Variants in PDHX observed in about 807,000 individuals in gnomAD.
PDHX encodes the protein pyruvate dehydrogenase protein X component, mitochondrial.
In PDHX, 33 loss-of-function variants were observed where a neutral mutation model predicts 55.3. That is an observed-to-expected ratio of 0.60 (90% CI 0.45 to 0.80). The LOEUF (loss-of-function observed/expected upper bound fraction) is 0.80. Among genes scored for constraint, PDHX ranks in the 30% least tolerant of loss-of-function variants. The pLI is 0.00. For synonymous variants in PDHX, 226 were observed against 219.4 expected (o/e 1.03, Z -0.27); for missense variants, 622 against 619.9 (o/e 1.00, Z -0.04).
intron 2 of PDHX, among the ~76,000 whole-genome samples, chr11:34,946,651 A>G (rs1183393585): frequency 1.3e-5 from 2 of 152,332 alleles, no homozygotes; most frequent in Non-Finnish European, 1.5e-5. Flanking sequence ...GTACTGAGGC[A>G]GTATTCTGGT....
rs530822570 is a variant in PDHX, at chr11:34,937,721, A to G, written c.241+6237A>G. On this transcript the variant is annotated intron_variant, in intron 2 of 10. Coordinates refer to ENST00000227868, the MANE Select transcript of PDHX (RefSeq NM_003477.3). ...ATGGAATAAGAATGCCTACTCCCCTAAAGAGTCCTCCTGAGGGTCAAATTT... is the reference window on the plus strand; with the variant it reads ...ATGGAATAAGAATGCCTACTCCCCTGAAGAGTCCTCCTGAGGGTCAAATTT... 3.9e-5 allele frequency among the ~76,000 whole-genome samples: 6 copies of G among 152,272 alleles called. No individual in the cohort carries two copies. The East Asian group carries it at 7.7e-4, about 20-fold the overall frequency.
chr11:34,930,219 G>A (rs968138446), intron 1 of PDHX, among the ~76,000 whole-genome samples: 1 of 152,204 alleles, frequency 6.6e-6, no homozygotes, highest in Non-Finnish European at 1.5e-5. Flanking sequence ...AGTGAGGCAG[G>A]TATGCATGCT....
intron 2 of PDHX, among the ~76,000 whole-genome samples, chr11:34,943,861 C>T (rs7104984): frequency 0.13 from 19,730 of 151,896 alleles, 1,745 homozygotes; most frequent in African/African-American, 0.26. Context: ...TCTCACCTTA[C>T]AAAAACTGAA....
chr11:34,964,404 G>A (rs1308661449), intron 5 of PDHX, among the ~76,000 whole-genome samples: 1 of 152,120 alleles, frequency 6.6e-6, no homozygotes, highest in Non-Finnish European at 1.5e-5. Flanking sequence ...AGGAGTTTGA[G>A]ACCAGTCTGG....
intron 10 of PDHX, among the ~76,000 whole-genome samples, chr11:34,994,203 G>A (rs1044517270): frequency 6.6e-6 from 1 of 152,124 alleles, no homozygotes; most frequent in African/African-American, 2.4e-5. Flanking sequence ...ACACACCTTA[G>A]CTGTATGATA....
intron 7 of PDHX, among the ~76,000 whole-genome samples, chr11:34,977,375 C>G (rs1198499419): frequency 2.6e-5 from 4 of 152,088 alleles, no homozygotes. Context: ...TTATGATCAG[C>G]TCGTAGGAAG....
At chr11:34,970,339 TG>T (rs1191314962) in intron 7 of PDHX, 53 bp downstream of exon 7, 8 of 1,372,678 alleles carry the variant, frequency 5.8e-6, no homozygotes, top group Non-Finnish European at 8.3e-6. Context: ...TTAACTTTCA[TG>T]AAATCCTTTA....
upstream of PDHX, chr11:34,916,559 C>A: frequency 6.5e-7 from 1 of 1,533,848 alleles, no homozygotes; most frequent in Non-Finnish European, 8.7e-7. Context: ...CTAAAGGCAC[C>A]GCTAGCGTCT....
intron 8 of PDHX, among the ~76,000 whole-genome samples, chr11:34,981,885 T>C (rs1309073593): frequency 6.6e-6 from 1 of 152,224 alleles, no homozygotes; most frequent in Non-Finnish European, 1.5e-5. Flanking sequence ...GAGTTCATTG[T>C]AGATTCTGGA....
chr11:34,916,512 G>A, upstream of PDHX: 3 of 1,456,392 alleles, frequency 2.1e-6, no homozygotes, highest in Middle Eastern at 2.1e-4. Context: ...TTGGAGGCGG[G>A]GCTGGGTTGG....
intron 3 of PDHX, among the ~76,000 whole-genome samples, chr11:34,951,049 C>CTTTTTTTTTT (rs1179399887): frequency 2.3e-5 from 2 of 88,598 alleles, no homozygotes; most frequent in Non-Finnish European, 4.1e-5. Context: ...TGTTTCCTGA[C>CTTTTTTTTTT]TTTTTTTTTT....
chr11:34,945,336 G>T (rs1026920153), intron 2 of PDHX, among the ~76,000 whole-genome samples: 1 of 152,052 alleles, frequency 6.6e-6, no homozygotes, highest in African/African-American at 2.4e-5. Flanking sequence ...ACAATAACTT[G>T]TTTCTTATAG....
Position 34,983,903 on chromosome 11 carries a change from T to A in PDHX, c.1024-667T>A, listed in dbSNP as rs184814757. Among the ~76,000 whole-genome samples the A allele has an allele frequency of 5.2e-3, 798 of 152,294 alleles. 2 individuals carry two copies. The highest frequency in any genetic ancestry group is 8.7e-3 in the Non-Finnish European group (589 of 68,014). On this transcript the variant is annotated intron_variant, in intron 8 of 10. Transcript: ENST00000227868. ...CCCATCAAGCTACCAATGAGTTTCT[T>A]CAAAGAATTGGAAAAAACTATTTTA...
chr11:34,994,969 C>G lies in PDHX; in HGVS notation c.1303C>G (p.Pro435Ala). 1 of 1,614,028 alleles carries G rather than the reference C, an allele frequency of 6.2e-7. No homozygotes were observed. Among genetic ancestry groups the G allele is most frequent in the Non-Finnish European group, 8.5e-7 (1 of 1,179,924 alleles). The change falls in exon 11 of 11, where the codon CCT becomes GCT. Residue 435 changes from proline to alanine, a missense_variant. Pro to Ala is a conservative substitution (Grantham distance 27). Transcript: ENST00000227868. ...CGAATTTACTGCAGTGATTAACCCT[C>G]CTCAGGCCTGCATTTTGGCGGTTGG... ...IDEFTAVINP[P>A]QACILAVGRF...
intron 9 of PDHX, among the ~76,000 whole-genome samples, chr11:34,987,225 A>G (rs1855665385): frequency 6.6e-6 from 1 of 152,066 alleles, no homozygotes; most frequent in South Asian, 2.1e-4. Flanking sequence ...CCGCAAAGTT[A>G]CCAGAAAGGA....
At position 34,957,523 on chromosome 11, in the gene PDHX, C is replaced by T. The variant is rs1470846606; in HGVS notation, c.482C>T (p.Pro161Leu). The stretch of plus-strand genomic sequence containing the variant: ...GTTTCAAAACCTTCAGAGCCTCGCC[C>T]CTCACCAGAACCACAGATTTCCATC... ...PPVSKPSEPR[P>L]SPEPQISIPV... The change falls in exon 4 of 11, where the codon CCC (proline) becomes CTC (leucine). Residue 161 changes from proline (P) to leucine (L), a missense_variant. Physicochemically the swap from Pro to Leu is moderately conservative, Grantham distance 98. Coordinates refer to ENST00000227868, the MANE Select transcript of PDHX (RefSeq NM_003477.3). 7.4e-6 allele frequency: 12 copies of T among 1,613,934 alleles called. No homozygotes were observed. The highest frequency in any genetic ancestry group is 2.2e-5 in the South Asian group (2 of 91,076).
chr11:34,967,975 G>A (rs538281719), intron 6 of PDHX, among the ~76,000 whole-genome samples: 2 of 152,080 alleles, frequency 1.3e-5, no homozygotes, highest in African/African-American at 4.8e-5. Context: ...TCTTTTAAAA[G>A]TAGGTTATTC....
chr11:34,937,286 C>G (rs2915194), intron 2 of PDHX, among the ~76,000 whole-genome samples: 1,616 of 148,704 alleles, frequency 0.011, 21 homozygotes, highest in East Asian at 0.042. Context: ...CATCTGCTCT[C>G]TATCGGATAT....
intron 1 of PDHX, among the ~76,000 whole-genome samples, chr11:34,925,949 A>G (rs12292719): frequency 0.19 from 28,775 of 152,080 alleles, 3,888 homozygotes; most frequent in African/African-American, 0.39. Flanking sequence ...ATAGTCCCAA[A>G]CATTTCTGAT....
Sources: allele counts gnomAD v4.1 joint callset (sites outside exome capture counted in the v4.1 genomes callset), GRCh38; gene constraint gnomAD v4.1.1; transcripts MANE v1.5; gene names NCBI Gene and HGNC (gene_info 2026-07-23, HGNC 2026-07-21).